EDEM1: variants seen among roughly 807,000 people sequenced by gnomAD.
The protein encoded by EDEM1 is ER degradation enhancing alpha-mannosidase like protein 1.
Under a neutral mutation model 74.4 loss-of-function variants are expected in EDEM1, and 67 were observed. The ratio of observed to expected loss-of-function variants is 0.90; its 90% confidence interval spans 0.74 to 1.10. EDEM1 has a LOEUF of 1.10. Among genes scored for constraint, EDEM1 ranks in the 50% least tolerant of loss-of-function variants. EDEM1 has a pLI of 0.00. For missense variants in EDEM1, 926 were observed against 851.6 expected (o/e 1.09, Z -1.09); for synonymous variants, 382 against 335.9 (o/e 1.14, Z -1.50).
intron 11 of EDEM1, 52 bp from the exon 12 acceptor site, chr3:5,215,777 C>G: frequency 6.6e-7 from 1 of 1,511,418 alleles, no homozygotes; most frequent in Admixed American, 1.7e-5. Flanking sequence ...GTCACATTTC[C>G]TGAGAGAGCA....
intron 1 of EDEM1, among the ~76,000 whole-genome samples, chr3:5,190,878 TAAA>T (rs927594878): frequency 2.0e-5 from 3 of 152,118 alleles, no homozygotes; most frequent in East Asian, 3.8e-4. Flanking sequence ...AAATATTTTT[TAAA>T]AAAATTTATT....
Position 5,202,965 on chromosome 3 carries a change from G to T in EDEM1, c.859-1G>T. The T allele has an allele frequency of 6.2e-7, 1 of 1,613,074 alleles. No homozygotes were observed. The highest frequency in any genetic ancestry group is 8.5e-7 in the Non-Finnish European group (1 of 1,179,526). On this transcript the variant is annotated splice_acceptor_variant, in intron 4 of 11. Coordinates refer to ENST00000256497, the MANE Select transcript of EDEM1 (RefSeq NM_014674.3). LOFTEE classifies it high-confidence loss of function. Reference sequence around the variant, plus strand: ...CAGTCTTTGTCTGTTCCCATCCCCAGGTGAATCTAAAGACAGGAGTTCCTC... The same window carrying T: ...CAGTCTTTGTCTGTTCCCATCCCCATGTGAATCTAAAGACAGGAGTTCCTC...
rs368550563 is a variant in EDEM1 at position 5,198,188 on chromosome 3, C to T, written c.583-1404C>T. On this transcript the variant is annotated intron_variant, in intron 2 of 11. Coordinates refer to ENST00000256497, the MANE Select transcript of EDEM1 (RefSeq NM_014674.3). Reference sequence around the variant, plus strand: ...TCAGCCTCCCGAGTAGCTGGGATTACAGGCATGCGCCACCACGCCTGGCTA... The same window carrying T: ...TCAGCCTCCCGAGTAGCTGGGATTATAGGCATGCGCCACCACGCCTGGCTA... Among the ~76,000 whole-genome samples the T allele has an allele frequency of 7.2e-5, 11 of 152,216 alleles. No individual in the cohort carries two copies. The East Asian group carries it at 1.9e-3, about 27-fold the overall frequency.
chr3:5,191,107 A>G (rs1393276200), intron 1 of EDEM1, among the ~76,000 whole-genome samples: 3 of 152,216 alleles, frequency 2.0e-5, no homozygotes, highest in South Asian at 2.1e-4. Flanking sequence ...CTGTTATGCT[A>G]TCGAATACTA....
intron 3 of EDEM1, among the ~76,000 whole-genome samples, chr3:5,200,438 C>G (rs948277612): frequency 3.9e-5 from 6 of 151,908 alleles, no homozygotes; most frequent in African/African-American, 1.5e-4. Context: ...TTAGGTATAT[C>G]TCTCACTTCT....
intron 3 of EDEM1, among the ~76,000 whole-genome samples, chr3:5,201,183 G>A (rs1171618855): frequency 6.6e-6 from 1 of 151,684 alleles, no homozygotes; most frequent in African/African-American, 2.4e-5. Flanking sequence ...TAAGAGACAG[G>A]GTCCTGCTCT....
chr3:5,205,284 T>C (rs760215502), intron 6 of EDEM1, 43 bp downstream of exon 6: 24 of 1,574,394 alleles, frequency 1.5e-5, no homozygotes, highest in Non-Finnish European at 1.9e-5. Flanking sequence ...GTAAAGCAAA[T>C]AGAATGCATT....
Position 5,213,486 on chromosome 3 carries a change from A to G in EDEM1, c.1848A>G (p.Lys616=), listed in dbSNP as rs1251099542. The G allele has an allele frequency of 1.9e-6, 3 of 1,613,552 alleles. No homozygotes were observed. Among genetic ancestry groups the G allele is most frequent in the Non-Finnish European group, 2.5e-6 (3 of 1,179,770 alleles). The change falls in exon 11 of 12, where the codon AAA becomes AAG. Residue 616 remains lysine, a synonymous_variant. Transcript: ENST00000256497. ...GGGGAAAGTCTGTGCACAGGCCGAA[A>G]CCTCATGAGTTAAAAGTCATCAACT... ...DQGGKSVHRP[K]PHELKVINSS... is the part of the protein sequence containing the mutation.
chr3:5,205,027 G>T, intron 5 of EDEM1, 40 bp from the exon 6 acceptor site: 1 of 1,605,318 alleles, frequency 6.2e-7, no homozygotes, highest in Non-Finnish European at 8.5e-7. Context: ...CCTCCCCGAT[G>T]AGACAGCTGG....
intron 1 of EDEM1, among the ~76,000 whole-genome samples, chr3:5,189,999 T>TTG (rs796939004): frequency 6.7e-6 from 1 of 149,524 alleles, no homozygotes; most frequent in African/African-American, 2.5e-5. Context: ...GTTTTTTTTT[T>TTG]GGGGGGGGGG....
At chr3:5,188,724 C>T (rs1040494654) in intron 1 of EDEM1, among the ~76,000 whole-genome samples, 2 of 152,212 alleles carry the variant, frequency 1.3e-5, no homozygotes, top group Non-Finnish European at 2.9e-5. Flanking sequence ...TAAACGCAGC[C>T]TCAGAACAAG....
At position 5,187,964 on chromosome 3, in the gene EDEM1, G is replaced by A. The variant is rs1328471800; in HGVS notation, c.159G>A (p.Ala53=). The A allele has an allele frequency of 9.6e-6, 15 of 1,559,364 alleles. No homozygotes were observed. The highest frequency in any genetic ancestry group is 1.4e-5 in the African/African-American group (1 of 72,056). The change falls in exon 1 of 12, where the codon GCG becomes GCA. Residue 53 remains alanine, a synonymous_variant. Coordinates refer to ENST00000256497, the MANE Select transcript of EDEM1 (RefSeq NM_014674.3). ...FQRLRSPDGP[A]SPTSGPVGRP... is the part of the protein sequence containing the mutation. ...GTCTGAGGAGCCCCGACGGCCCCGC[G>A]TCGCCCACCTCGGGGCCCGTGGGCC... is the stretch of plus-strand genomic sequence containing the variant.
chr3:5,215,887 G>A lies in EDEM1; in HGVS notation c.1943G>A (p.Arg648Gln), dbSNP rs146217902. The A allele has an allele frequency of 1.4e-4, 228 of 1,612,948 alleles. 1 individual carries two copies. Among genetic ancestry groups the A allele is most frequent in the South Asian group, 1.0e-3 (91 of 90,762 alleles). ...YSLPLKSIYM[R>Q]QIDQMVGLI ...CTGCCCTTAAAGAGCATCTACATGC[G>A]ACAGATTGACCAGATGGTTGGTTTG... Residue 648 changes from arginine to glutamine, a missense_variant, in exon 12 of 12, where the codon CGA (arginine) becomes CAA (glutamine). Coordinates refer to ENST00000256497, the MANE Select transcript of EDEM1 (RefSeq NM_014674.3).
Position 5,216,172 on chromosome 3 carries a change from G to A in EDEM1, c.*254G>A, listed in dbSNP as rs1575594244. On this transcript the variant is annotated 3_prime_UTR_variant, in exon 12 of 12. Coordinates refer to ENST00000256497, the MANE Select transcript of EDEM1 (RefSeq NM_014674.3). Reference sequence around the variant, plus strand: ...GGAAATTGCCCTCTTATGACATGTTGATGTTATAAGCACAATAGATGGGGC... The same window carrying A: ...GGAAATTGCCCTCTTATGACATGTTAATGTTATAAGCACAATAGATGGGGC... 1 of 494,894 alleles carries A rather than the reference G, an allele frequency of 2.0e-6. No individual in the cohort carries two copies. The highest frequency in any genetic ancestry group is 3.7e-5 in the East Asian group (1 of 27,112). The allele number at this position is 494,894 out of a possible 1,614,324, so 30.7% of individuals were successfully genotyped here.
At chr3:5,195,453 T>TG (rs1287526765) in intron 2 of EDEM1, among the ~76,000 whole-genome samples, 172 bp downstream of exon 2, 4 of 152,194 alleles carry the variant, frequency 2.6e-5, no homozygotes, top group African/African-American at 9.7e-5. Context: ...AGAAAAGTGT[T>TG]GAAGGTTAAA....
Position 5,194,841 on chromosome 3 carries a change from C to G in EDEM1, c.510-368C>G, listed in dbSNP as rs556366398. On this transcript the variant is annotated intron_variant, in intron 1 of 11. Coordinates refer to ENST00000256497, the MANE Select transcript of EDEM1 (RefSeq NM_014674.3). ...TTACAGGTGGGTCGTATGACAAGGG[C>G]TCTTCTTTAGTTCCTAATGATTGTG... Among the ~76,000 whole-genome samples the G allele has an allele frequency of 2.0e-5, 3 of 152,270 alleles. No homozygotes were observed. The East Asian group carries it at 5.8e-4, about 29-fold the overall frequency.
chr3:5,215,764 C>T lies in EDEM1; in HGVS notation c.1885-65C>T, dbSNP rs374505961. ...GCTGAGAAACCCTGGATTAAGTCAT[C>T]CAGTCACATTTCCTGAGAGAGCAAC... On this transcript the variant is annotated intron_variant, in intron 11 of 11. Coordinates refer to ENST00000256497, the MANE Select transcript of EDEM1 (RefSeq NM_014674.3). 7.8e-5 allele frequency: 111 copies of T among 1,421,468 alleles called. No homozygotes were observed. The South Asian group carries it at 1.2e-3, about 16-fold the overall frequency. The allele number at this position is 1,421,468 out of a possible 1,614,324, so 88.1% of individuals were successfully genotyped here. A position where few individuals can be genotyped will look rare whatever the true frequency, so the allele number is the denominator to read the frequency against.
intron 10 of EDEM1, among the ~76,000 whole-genome samples, chr3:5,212,569 T>A (rs890442802): frequency 6.6e-6 from 1 of 152,256 alleles, no homozygotes; most frequent in Non-Finnish European, 1.5e-5. Context: ...CTCTTGTTAC[T>A]GTGTAAACAT....
chr3:5,189,749 T>C (rs13320143), intron 1 of EDEM1, among the ~76,000 whole-genome samples: 6,161 of 152,208 alleles, frequency 0.04, 199 homozygotes, highest in East Asian at 0.11. Context: ...TACAGACTCG[T>C]GCCACCACGC....
Sources: gnomAD v4.1 joint callset for allele counts (sites outside exome capture counted in the v4.1 genomes callset) on GRCh38, gnomAD v4.1.1 for gene constraint, MANE v1.5 for transcripts, NCBI Gene and HGNC (gene_info 2026-07-23, HGNC 2026-07-21) for gene names.